TET3: variants seen among roughly 807,000 people sequenced by gnomAD.
TET3 encodes methylcytosine dioxygenase TET3.
A neutral mutation model predicts 141.4 loss-of-function variants in TET3; 19 were observed. The observed-to-expected ratio is 0.13, with a 90% CI of 0.09 to 0.20. The LOEUF is 0.20. TET3 is among the 10% of genes least tolerant of loss of function. The pLI, the probability that TET3 is intolerant of heterozygous loss-of-function variation, is 1.00. For missense variants in TET3, 1,874 were observed against 2,356.9 expected, an observed-to-expected ratio of 0.80 and a Z score of 4.24; for synonymous variants, 1,043 against 980.9, an observed-to-expected ratio of 1.06 and a Z score of -1.18.
chr2:74,088,864 T>C (rs1690313328), intron 7 of TET3, among the ~76,000 whole-genome samples: 1 of 152,118 alleles, frequency 6.6e-6, no homozygotes, highest in African/African-American at 2.4e-5. Flanking sequence ...GTGGATCGCC[T>C]GAGGCCAGGA....
intron 3 of TET3, among the ~76,000 whole-genome samples, chr2:74,022,040 A>G (rs1378473927): frequency 6.7e-6 from 1 of 149,638 alleles, no homozygotes; most frequent in Non-Finnish European, 1.5e-5. Flanking sequence ...AAAAAAGTCC[A>G]TAATTTTTCT....
chr2:74,071,838 A>G (rs1444317736), intron 4 of TET3, among the ~76,000 whole-genome samples: 5 of 152,196 alleles, frequency 3.3e-5, no homozygotes, highest in Admixed American at 6.5e-5. Flanking sequence ...AGCTGCTACT[A>G]TGTAGCCTTT....
intron 4 of TET3, among the ~76,000 whole-genome samples, chr2:74,069,651 A>G (rs912450984): frequency 2.0e-5 from 3 of 151,540 alleles, no homozygotes; most frequent in Non-Finnish European, 2.9e-5. Flanking sequence ...CAGTGGTGCA[A>G]TCATAGCTCA....
At chr2:74,064,181 T>C (rs982060853) in intron 4 of TET3, among the ~76,000 whole-genome samples, 3 of 152,254 alleles carry the variant, frequency 2.0e-5, no homozygotes, top group Admixed American at 1.3e-4. Context: ...TGATGTCTTA[T>C]ACTAGTTGTT....
chr2:74,067,395 C>A (rs1237537806), intron 4 of TET3, among the ~76,000 whole-genome samples: 1 of 152,196 alleles, frequency 6.6e-6, no homozygotes, highest in African/African-American at 2.4e-5. Context: ...ACAACAGCTA[C>A]CTGTTGAGCT....
intron 3 of TET3, among the ~76,000 whole-genome samples, chr2:74,029,972 G>A (rs1160027378): frequency 6.6e-6 from 1 of 152,208 alleles, no homozygotes; most frequent in Non-Finnish European, 1.5e-5. Flanking sequence ...GCACATGTTA[G>A]TGATAGTGGT....
chr2:74,081,874 C>T (rs1689849028), intron 6 of TET3, among the ~76,000 whole-genome samples: 1 of 152,178 alleles, frequency 6.6e-6, no homozygotes, highest in Non-Finnish European at 1.5e-5. Flanking sequence ...TTATATACAA[C>T]CAGAGAATCT....
At chr2:74,002,587 C>T (rs1377995273) in intron 2 of TET3, 2 of 327,498 alleles carry the variant, frequency 6.1e-6, no homozygotes, top group East Asian at 9.6e-5. Context: ...GCGCCCCCGC[C>T]TCCCGGCTGG....
Position 74,046,859 on chromosome 2 carries a change from C to A in TET3, c.942C>A (p.Gly314=), listed in dbSNP as rs1687652410. 1 of 1,613,456 alleles carries A rather than the reference C, an allele frequency of 6.2e-7. No individual in the cohort carries two copies. The highest frequency in any genetic ancestry group is 8.5e-7 in the Non-Finnish European group (1 of 1,179,844). ...GGCCTCTGCCTCCTGGTGAGGCCGG[C>A]CTCCCAGCACCAAGCACCAGGCCAC... ...LPGPLPPGEA[G]LPAPSTRPLL... Residue 314 remains glycine (G), a synonymous_variant, in exon 4 of 12, where the codon GGC becomes GGA. Transcript: ENST00000409262. This position sits in a 1 kb window ranked among gnomAD's most constrained non-coding sequence, Gnocchi z 4.3.
At position 74,102,523 on chromosome 2, in the gene TET3, T is replaced by C. The variant is rs749377853; in HGVS notation, c.*347T>C. 2.3e-5 allele frequency: 4 copies of C among 171,228 alleles called. No individual in the cohort carries two copies. The South Asian group carries it at 8.0e-4, about 34-fold the overall frequency. 10.6% of individuals were successfully genotyped at this position (171,228 alleles called of 1,614,324 possible). ...AAAACTCTATCCTTGTATATCACAA[T>C]AATGGAAAGAAAGTTTATAGTATCC... On this transcript the variant is annotated 3_prime_UTR_variant, in exon 12 of 12. Transcript: ENST00000409262.
chr2:74,017,985 G>A (rs1381173216), intron 3 of TET3, among the ~76,000 whole-genome samples: 1 of 26,256 alleles, frequency 3.8e-5, no homozygotes, highest in Non-Finnish European at 7.9e-5. Flanking sequence ...TTTTTTTTTT[G>A]AGACGGAGTT....
chr2:73,986,746 A>C, intron 2 of TET3, 40 bp downstream of exon 2: 1 of 1,230,614 alleles, frequency 8.1e-7, no homozygotes, highest in Non-Finnish European at 1.0e-6. Context: ...TCCTTCCTCG[A>C]GGGCACGGTG....
At chr2:74,024,665 C>G (rs985635089) in intron 3 of TET3, among the ~76,000 whole-genome samples, 1 of 152,102 alleles carries the variant, frequency 6.6e-6, no homozygotes, top group Non-Finnish European at 1.5e-5. Flanking sequence ...TCAGTGACTG[C>G]TTGTTTCACC....
chr2:74,059,933 T>C (rs568775266), intron 4 of TET3, among the ~76,000 whole-genome samples: 1 of 152,348 alleles, frequency 6.6e-6, no homozygotes, highest in South Asian at 2.1e-4. Flanking sequence ...AGGTCACTGA[T>C]GGTCTTTTGG....
At chr2:74,117,697 G>A in the TET3 span, among the ~76,000 whole-genome samples, 1 of 152,042 alleles carries the variant, frequency 6.6e-6, no homozygotes, top group East Asian at 1.9e-4. Flanking sequence ...TAAAATACAG[G>A]TAGATATTAG....
intron 10 of TET3, among the ~76,000 whole-genome samples, chr2:74,098,000 A>G (rs147215554): frequency 4.6e-5 from 7 of 152,366 alleles, no homozygotes; most frequent in African/African-American, 1.7e-4. Context: ...GTAAACTTGA[A>G]TAAAAAAGCA....
intron 2 of TET3, chr2:73,998,540 T>A (rs984735609): frequency 2.0e-5 from 3 of 152,498 alleles, no homozygotes; most frequent in Admixed American, 2.0e-4. Flanking sequence ...CATCTTTTCT[T>A]CTTCTGTTGC....
At chr2:73,990,782 C>T (rs1400989251) in intron 2 of TET3, among the ~76,000 whole-genome samples, 2 of 152,190 alleles carry the variant, frequency 1.3e-5, no homozygotes, top group African/African-American at 4.8e-5. Flanking sequence ...TATCAGAACA[C>T]CTGATGAATC....
chr2:74,089,189 C>T (rs141650540), intron 7 of TET3, among the ~76,000 whole-genome samples: 17 of 151,980 alleles, frequency 1.1e-4, no homozygotes, highest in Non-Finnish European at 2.4e-4. Flanking sequence ...GGGCAGTCAC[C>T]GGTCTTGTTT....
Sources: allele counts gnomAD v4.1 joint callset (sites outside exome capture counted in the v4.1 genomes callset), GRCh38; gene constraint gnomAD v4.1.1; non-coding constraint Gnocchi (gnomAD v3.1); transcripts MANE v1.5; gene names NCBI Gene and HGNC (gene_info 2026-07-23, HGNC 2026-07-21).